CD58: variants seen among roughly 807,000 people sequenced by gnomAD.
The protein encoded by CD58 is lymphocyte function-associated antigen 3.
Under a neutral mutation model 27.6 loss-of-function variants are expected in CD58, and 14 were observed. The observed-to-expected ratio is 0.51, with a 90% CI of 0.34 to 0.79. The LOEUF is 0.79. Ranked by LOEUF, CD58 falls within the 30% of genes least tolerant of loss-of-function variation. CD58 has a pLI of 0.02. For synonymous variants in CD58, 117 were observed against 103.8 expected, an observed-to-expected ratio of 1.13 and a Z score of -0.77; for missense variants, 268 against 301.7, an observed-to-expected ratio of 0.89 and a Z score of 0.83.
rs1571054101 is a variant in CD58 at position 116,517,104 on chromosome 1, T to C, written c.743+2127A>G. On this transcript the variant is annotated intron_variant, in intron 5 of 5. Transcript: ENST00000369489. This position sits in a 1 kb window ranked among gnomAD's most constrained non-coding sequence, Gnocchi z 6.5. ...CCCCCATCATTGGTAGTGATGGCTA[T>C]GCCTCCCCCATCCACTCAGAGTTCC... Among the ~76,000 whole-genome samples, 1 of 152,050 alleles carries C rather than the reference T, an allele frequency of 6.6e-6. No individual in the cohort carries two copies. Among genetic ancestry groups the C allele is most frequent in the Admixed American group, 6.5e-5 (1 of 15,270 alleles).
Position 116,570,952 on chromosome 1 carries a change from C to G in CD58, c.21G>C (p.Ala7=), listed in dbSNP as rs1659123487. ...CGCTGAGGACCCCCAGGGCCCGCCC[C>G]GCGTCGCTCCCAGCAACCATGGCTC... MVAGSD[A]GRALGVLSVV... is the part of the protein sequence containing the mutation. The change falls in exon 1 of 6, where the codon GCG becomes GCC. Residue 7 remains alanine (A), a synonymous_variant. Transcript: ENST00000369489. This position sits in a 1 kb window ranked among gnomAD's most constrained non-coding sequence, Gnocchi z 6.4. 6.4e-7 allele frequency: 1 copy of G among 1,563,936 alleles called. No individual in the cohort carries two copies. Among genetic ancestry groups the G allele is most frequent in the Admixed American group, 1.9e-5 (1 of 53,658 alleles).
chr1:116,534,033 AT>A lies in CD58; in HGVS notation c.628+1931del. The A allele has an allele frequency of 8.5e-7, 1 of 1,173,878 alleles. No homozygotes were observed. The highest frequency in any genetic ancestry group is 1.3e-6 in the Non-Finnish European group (1 of 784,176). 72.7% of individuals were successfully genotyped at this position (1,173,878 alleles called of 1,614,324 possible). A position where few individuals can be genotyped will look rare whatever the true frequency, so the allele number is the denominator to read the frequency against. Reference sequence around the variant, plus strand: ...CCGTGAGCTTTTCCGTCTTACTTGCATTTTTAGCAGCTTCCACGAAATCTGA... The same window carrying A: ...CCGTGAGCTTTTCCGTCTTACTTGCATTTTAGCAGCTTCCACGAAATCTGA... On this transcript the variant is annotated intron_variant, in intron 3 of 5. Transcript: ENST00000369489. This position sits in a 1 kb window ranked among gnomAD's most constrained non-coding sequence, Gnocchi z 5.3.
At chr1:116,565,392 C>A (rs1047683880) in intron 1 of CD58, among the ~76,000 whole-genome samples, 2 of 152,130 alleles carry the variant, frequency 1.3e-5, no homozygotes, top group African/African-American at 4.8e-5. Context: ...AATATCACTC[C>A]CCCAGATAGC....
At chr1:116,529,679 T>TTGTGTG (rs1657533930) in intron 3 of CD58, among the ~76,000 whole-genome samples, 1 of 152,226 alleles carries the variant, frequency 6.6e-6, no homozygotes, top group Non-Finnish European at 1.5e-5. Context: ...GGATTAAATG[T>TTGTGTG]GACACATTTA....
rs554328614 is a variant in CD58 at position 116,570,625 on chromosome 1, G to C, written c.70+278C>G. On this transcript the variant is annotated intron_variant, in intron 1 of 5. Transcript: ENST00000369489. This position sits in a 1 kb window ranked among gnomAD's most constrained non-coding sequence, Gnocchi z 6.4. Reference sequence around the variant, plus strand: ...CACTGGAGCTCGGGAGGGGGCCGGCGGGGGGGCGCAGGCCCCGCAGGAGAG... The same window carrying C: ...CACTGGAGCTCGGGAGGGGGCCGGCCGGGGGGCGCAGGCCCCGCAGGAGAG... Among the ~76,000 whole-genome samples the C allele has an allele frequency of 2.0e-5, 3 of 151,122 alleles. No homozygotes were observed. The highest frequency in any genetic ancestry group is 7.4e-5 in the African/African-American group (3 of 40,538).
At chr1:116,539,590 A>G (rs911999110) in intron 2 of CD58, among the ~76,000 whole-genome samples, 3 of 152,264 alleles carry the variant, frequency 2.0e-5, no homozygotes, top group Admixed American at 1.3e-4. Context: ...TGTTAGTATT[A>G]TCTTCTAAGT....
At position 116,523,600 on chromosome 1, in the gene CD58, A is replaced by C. The variant is rs957907578; in HGVS notation, c.629-1617T>G. On this transcript the variant is annotated intron_variant, in intron 3 of 5. Transcript: ENST00000369489. The surrounding 1 kb of genome is among the most constrained non-coding windows in gnomAD (Gnocchi z 4.4). ...AATTCAGATATTCCTTGGCAATAAT[A>C]CTCCCCAAGTAGTGTTTGTATACTT... Among the ~76,000 whole-genome samples the C allele has an allele frequency of 1.3e-5, 2 of 152,040 alleles. No homozygotes were observed. The highest frequency in any genetic ancestry group is 4.8e-5 in the African/African-American group (2 of 41,384).
At chr1:116,549,323 C>G (rs1422437747) in intron 1 of CD58, among the ~76,000 whole-genome samples, 1 of 152,230 alleles carries the variant, frequency 6.6e-6, no homozygotes, top group Non-Finnish European at 1.5e-5. Context: ...AAGGCAGTTC[C>G]CTTCCCTAAA....
In CD58 at chr1:116,566,106, T is replaced by C. The variant is rs193039535; in HGVS notation, c.70+4797A>G. 1.6e-3 allele frequency among the ~76,000 whole-genome samples: 247 copies of C among 152,334 alleles called. 4 individuals carry two copies. The highest frequency in any genetic ancestry group is 0.014 in the Admixed American group (221 of 15,302). On this transcript the variant is annotated intron_variant, in intron 1 of 5. Transcript: ENST00000369489. ...ATGGAGTTATATCTTGAAAAACTCA[T>C]TGTAGAGTTGAAAAATCTTAAGTCG...
intron 2 of CD58, among the ~76,000 whole-genome samples, chr1:116,540,764 A>G (rs1360449670): frequency 1.3e-5 from 2 of 152,126 alleles, no homozygotes; most frequent in Admixed American, 1.3e-4. Flanking sequence ...GACTAACAAA[A>G]CCATACCTTT....
chr1:116,567,071 T>G (rs964211261), intron 1 of CD58, among the ~76,000 whole-genome samples: 7 of 150,930 alleles, frequency 4.6e-5, no homozygotes, highest in African/African-American at 1.7e-4. Flanking sequence ...GTCTGGGAGA[T>G]CAAGGCTGCA....
rs1657735345 is a variant in CD58, at chr1:116,534,755, C to T, written c.628+1210G>A. On this transcript the variant is annotated intron_variant, in intron 3 of 5. Transcript: ENST00000369489. The surrounding 1 kb of genome is among the most constrained non-coding windows in gnomAD (Gnocchi z 5.3). ...TCTGAAAATAATATAACTTTAATGG[C>T]TTTAAGTTATTGTTTGAAAGGGTTC... 6.6e-6 allele frequency among the ~76,000 whole-genome samples: 1 copy of T among 152,164 alleles called. No homozygotes were observed. Among genetic ancestry groups the T allele is most frequent in the Non-Finnish European group, 1.5e-5 (1 of 68,024 alleles).
Position 116,523,088 on chromosome 1 carries a change from C to T in CD58, c.629-1105G>A, listed in dbSNP as rs1490023006. 1.3e-5 allele frequency among the ~76,000 whole-genome samples: 2 copies of T among 152,166 alleles called. No homozygotes were observed. The highest frequency in any genetic ancestry group is 4.8e-5 in the African/African-American group (2 of 41,436). The stretch of plus-strand genomic sequence containing the variant: ...TCTCTATTAATATCTTGTGACTCTG[C>T]AATTCCATTTCTAAGATGTTATCCT... On this transcript the variant is annotated intron_variant, in intron 3 of 5. Transcript: ENST00000369489. The surrounding 1 kb of genome is among the most constrained non-coding windows in gnomAD (Gnocchi z 4.4).
At chr1:116,556,721 A>G (rs1034807312) in intron 1 of CD58, among the ~76,000 whole-genome samples, 1 of 152,216 alleles carries the variant, frequency 6.6e-6, no homozygotes, top group Admixed American at 6.5e-5. Flanking sequence ...GTCACAAAGA[A>G]ACAGAACTGT....
Position 116,531,380 on chromosome 1 carries a change from G to A in CD58, c.628+4585C>T, listed in dbSNP as rs568324529. On this transcript the variant is annotated intron_variant, in intron 3 of 5. Transcript: ENST00000369489. The surrounding 1 kb of genome is among the most constrained non-coding windows in gnomAD (Gnocchi z 4.5). ...TTCAAGATTTCAACTTGCTTGCTCT[G>A]TCTATATGTGGTCATCTTCTTCCCC... Among the ~76,000 whole-genome samples the A allele has an allele frequency of 1.3e-5, 2 of 152,288 alleles. No individual in the cohort carries two copies. The highest frequency in any genetic ancestry group is 2.1e-4 in the South Asian group (1 of 4,826).
chr1:116,568,280 A>G (rs75294611), intron 1 of CD58, among the ~76,000 whole-genome samples: 1,592 of 152,242 alleles, frequency 0.01, 25 homozygotes, highest in African/African-American at 0.036. Context: ...GTGTCATGAG[A>G]TCTGAAACTC....
At chr1:116,553,577 A>G (rs1263449481) in intron 1 of CD58, among the ~76,000 whole-genome samples, 2 of 152,246 alleles carry the variant, frequency 1.3e-5, no homozygotes, top group Admixed American at 1.3e-4. Flanking sequence ...GTCTTTCCCT[A>G]AGAAAGGAAA....
At chr1:116,562,150 C>T (rs1181867190) in intron 1 of CD58, among the ~76,000 whole-genome samples, 1 of 151,786 alleles carries the variant, frequency 6.6e-6, no homozygotes, top group Non-Finnish European at 1.5e-5. Context: ...TCAGATTCAA[C>T]AATCTTTACT....
chr1:116,564,583 G>C (rs563599073), intron 1 of CD58, among the ~76,000 whole-genome samples: 1 of 152,342 alleles, frequency 6.6e-6, no homozygotes, highest in South Asian at 2.1e-4. Context: ...CAAAGGAGAA[G>C]TAAGGCACAT....
Sources: allele counts gnomAD v4.1 joint callset (sites outside exome capture counted in the v4.1 genomes callset), GRCh38; gene constraint gnomAD v4.1.1; non-coding constraint Gnocchi (gnomAD v3.1); transcripts MANE v1.5; gene names NCBI Gene and HGNC (gene_info 2026-07-23, HGNC 2026-07-21).